Variants in ALX4 observed in about 807,000 individuals in gnomAD.
ALX4 encodes the protein ALX homeobox 4.
Under a neutral mutation model 40.6 loss-of-function variants are expected in ALX4, and 22 were observed. The ratio of observed to expected loss-of-function variants is 0.54; its 90% CI spans 0.39 to 0.77. ALX4 has a LOEUF of 0.77. Ranked by LOEUF, ALX4 falls within the 30% of genes least tolerant of loss-of-function variation. The pLI is 0.00. For missense variants in ALX4, 556 were observed against 564.8 expected, an observed-to-expected ratio of 0.98 and a Z score of 0.16; for synonymous variants, 266 against 240.5, an observed-to-expected ratio of 1.11 and a Z score of -0.98.
chr11:44,294,697 C>G (rs1384260473), intron 1 of ALX4, among the ~76,000 whole-genome samples: 2 of 152,196 alleles, frequency 1.3e-5, no homozygotes, highest in African/African-American at 4.8e-5. Context: ...GCATCCCAGT[C>G]AACTTTAACT....
At position 44,275,624 on chromosome 11, in the gene ALX4, G is replaced by T. The variant is rs1260212418; in HGVS notation, c.501C>A (p.Pro167=). The change falls in exon 2 of 4, where the codon CCC becomes CCA. Residue 167 remains proline (P), a synonymous_variant. Coordinates refer to ENST00000652299, the MANE Select transcript of ALX4 (RefSeq NM_021926.4). ...KESSLGEPEL[P]PDSDTVGMDS... is the part of the protein sequence containing the mutation. Reference sequence around the variant, plus strand: ...CCATCCCCACAGTGTCAGAGTCAGGGGGTAACTCTGGCTCACCCAGGGAGC... The same window carrying T: ...CCATCCCCACAGTGTCAGAGTCAGGTGGTAACTCTGGCTCACCCAGGGAGC... 1.2e-6 allele frequency: 2 copies of T among 1,613,534 alleles called. No homozygotes were observed. The highest frequency in any genetic ancestry group is 1.7e-6 in the Non-Finnish European group (2 of 1,179,602).
At chr11:44,276,333 T>C (rs1173736404) in intron 1 of ALX4, among the ~76,000 whole-genome samples, 1 of 152,078 alleles carries the variant, frequency 6.6e-6, no homozygotes, top group Non-Finnish European at 1.5e-5. Flanking sequence ...ATGGGCCACA[T>C]TTCCTGTTAC....
chr11:44,267,347 G>T, intron 3 of ALX4, 147 bp downstream of exon 3: 1 of 1,066,034 alleles, frequency 9.4e-7, no homozygotes, highest in Non-Finnish European at 1.3e-6. Flanking sequence ...CCACACTCTG[G>T]TATAAACAGG....
chr11:44,267,766 C>G, intron 2 of ALX4, 144 bp from the exon 3 acceptor site: 1 of 1,124,444 alleles, frequency 8.9e-7, no homozygotes, highest in Non-Finnish European at 1.3e-6. Context: ...AAATATCAAC[C>G]TTGGTCTTTG....
intron 2 of ALX4, among the ~76,000 whole-genome samples, chr11:44,270,227 G>A (rs774060782): frequency 6.6e-6 from 1 of 152,152 alleles, no homozygotes; most frequent in Admixed American, 6.5e-5. Context: ...GGGTTATCTG[G>A]GGAAGACAGA....
intron 1 of ALX4, among the ~76,000 whole-genome samples, chr11:44,288,601 A>G (rs1474195214): frequency 2.0e-5 from 3 of 152,046 alleles, no homozygotes; most frequent in African/African-American, 7.2e-5. Flanking sequence ...GTTGCAATAA[A>G]AATCACAAGA....
At position 44,310,096 on chromosome 11, in the gene ALX4, A is replaced by G; in HGVS notation, c.-34T>C. 6.5e-7 allele frequency: 1 copy of G among 1,549,526 alleles called. No individual in the cohort carries two copies. The highest frequency in any genetic ancestry group is 8.7e-7 in the Non-Finnish European group (1 of 1,145,084). On this transcript the variant is annotated 5_prime_UTR_variant, in exon 1 of 4. Transcript: ENST00000652299. Reference sequence around the variant, plus strand: ...TGCGCAGGCGGCGGGCGGGGACGCGAGCGAGGGCGCGAGGACGCCACCGCG... The same window carrying G: ...TGCGCAGGCGGCGGGCGGGGACGCGGGCGAGGGCGCGAGGACGCCACCGCG...
rs574881371 is a variant in ALX4 at position 44,296,117 on chromosome 11, T to C, written c.466+13480A>G. On this transcript the variant is annotated intron_variant, in intron 1 of 3. Coordinates refer to ENST00000652299, the MANE Select transcript of ALX4 (RefSeq NM_021926.4). The stretch of plus-strand genomic sequence containing the variant: ...ATCAGAAGATCATTCAGGGGCCAGA[T>C]AGACAAATGCAACAGAATAGAGACC... Among the ~76,000 whole-genome samples the C allele has an allele frequency of 6.6e-5, 10 of 152,326 alleles. No homozygotes were observed. The South Asian group carries it at 1.2e-3, about 19-fold the overall frequency.
intron 1 of ALX4, among the ~76,000 whole-genome samples, chr11:44,281,747 G>A (rs1022136833): frequency 3.2e-4 from 48 of 152,124 alleles, no homozygotes; most frequent in African/African-American, 1.2e-3. Context: ...TGACACTGGG[G>A]TCTGTCCAGA....
At chr11:44,277,827 C>T (rs1956286395) in intron 1 of ALX4, among the ~76,000 whole-genome samples, 1 of 152,194 alleles carries the variant, frequency 6.6e-6, no homozygotes, top group African/African-American at 2.4e-5. Context: ...ACTGGCAGTG[C>T]AGACGCCATG....
chr11:44,284,103 T>C (rs944512763), intron 1 of ALX4, among the ~76,000 whole-genome samples: 3 of 152,140 alleles, frequency 2.0e-5, no homozygotes, highest in African/African-American at 7.2e-5. Context: ...ATCAAATAAA[T>C]CTCATTTTGA....
At chr11:44,299,315 C>G (rs368530626) in intron 1 of ALX4, among the ~76,000 whole-genome samples, 1 of 151,750 alleles carries the variant, frequency 6.6e-6, no homozygotes, top group Non-Finnish European at 1.5e-5. Flanking sequence ...CTTCTGCATC[C>G]CCGGTTGTGA....
rs577196862 is a variant in ALX4 at position 44,262,439 on chromosome 11, G to A, written c.*2415C>T. 40 of 152,388 alleles carry A rather than the reference G, an allele frequency of 2.6e-4. No homozygotes were observed. Among genetic ancestry groups the A allele is most frequent in the African/African-American group, 9.4e-4 (39 of 41,564 alleles). 9.4% of individuals were successfully genotyped at this position (152,388 alleles called of 1,614,324 possible). On this transcript the variant is annotated 3_prime_UTR_variant, in exon 4 of 4. Transcript: ENST00000652299. ...GGGTGTGTTGGGACAGGCAGCCATA[G>A]CCACAGAGTCTTCTAATAGACGCCT... is the stretch of plus-strand genomic sequence containing the variant.
At chr11:44,299,315 C>T (rs368530626) in intron 1 of ALX4, among the ~76,000 whole-genome samples, 1 of 151,750 alleles carries the variant, frequency 6.6e-6, no homozygotes, top group African/African-American at 2.4e-5. Context: ...CTTCTGCATC[C>T]CCGGTTGTGA....
At chr11:44,265,837 G>A (rs1262921462) in intron 3 of ALX4, among the ~76,000 whole-genome samples, 1 of 152,164 alleles carries the variant, frequency 6.6e-6, no homozygotes, top group African/African-American at 2.4e-5. Context: ...AAAGGGGCGA[G>A]GGCATGTGCA....
chr11:44,292,733 A>G (rs1956377243), intron 1 of ALX4, among the ~76,000 whole-genome samples: 1 of 152,200 alleles, frequency 6.6e-6, no homozygotes, highest in African/African-American at 2.4e-5. Flanking sequence ...GATTTTGCCT[A>G]TCACATATAG....
At chr11:44,293,627 C>T (rs571424639) in intron 1 of ALX4, among the ~76,000 whole-genome samples, 1 of 152,300 alleles carries the variant, frequency 6.6e-6, no homozygotes, top group East Asian at 1.9e-4. Context: ...GGGGCTAAAT[C>T]CTGGGGGATG....
At chr11:44,296,453 A>G (rs1378967991) in intron 1 of ALX4, among the ~76,000 whole-genome samples, 1 of 152,240 alleles carries the variant, frequency 6.6e-6, no homozygotes, top group African/African-American at 2.4e-5. Context: ...AAATTGAAAA[A>G]TTGTACTTCT....
chr11:44,271,501 G>A lies in ALX4; in HGVS notation c.777+3847C>T, dbSNP rs201140243. 5.3e-5 allele frequency among the ~76,000 whole-genome samples: 8 copies of A among 152,184 alleles called. No homozygotes were observed. In the East Asian group the frequency reaches 7.7e-4, roughly 15 times the overall value. ...CACTAGGTGATAAGATATGCAGCACGTCAGAGTTTCCCTTTCTGCCTTGGC... is the reference window on the plus strand; with the variant it reads ...CACTAGGTGATAAGATATGCAGCACATCAGAGTTTCCCTTTCTGCCTTGGC... On this transcript the variant is annotated intron_variant, in intron 2 of 3. Transcript: ENST00000652299.
Sources: allele counts gnomAD v4.1 joint callset (sites outside exome capture counted in the v4.1 genomes callset), GRCh38; gene constraint gnomAD v4.1.1; transcripts MANE v1.5; gene names NCBI Gene and HGNC (gene_info 2026-07-23, HGNC 2026-07-21).